The following FBXW11 variants were observed in gnomAD, a reference collection of about 807,000 sequenced individuals.
The protein encoded by FBXW11 is F-box and WD repeat domain containing 11, also known as F-box/WD repeat-containing protein 11.
A neutral mutation model predicts 77.6 loss-of-function variants in FBXW11; 19 were observed. That is an observed-to-expected ratio of 0.24 (90% CI 0.17 to 0.36). FBXW11 has a LOEUF of 0.36. Among genes scored for constraint, FBXW11 ranks in the 10% least tolerant of loss-of-function variants. The probability of loss-of-function intolerance (pLI) is 1.00; values close to 1 mark genes in which losing one functional copy is unlikely to be tolerated. For synonymous variants in FBXW11, 235 were observed against 249.4 expected (o/e 0.94, Z 0.54); for missense variants, 334 against 704.2 (o/e 0.47, Z 5.95).
intron 1 of FBXW11, among the ~76,000 whole-genome samples, chr5:172,000,544 C>A (rs554849369): frequency 6.6e-6 from 1 of 152,182 alleles, no homozygotes; most frequent in Non-Finnish European, 1.5e-5. Flanking sequence ...AAATGTTAGT[C>A]TTCTGTAAAG....
chr5:171,915,613 CTGTGTG>C (rs200618306), intron 2 of FBXW11, among the ~76,000 whole-genome samples: 2,908 of 129,614 alleles, frequency 0.022, 104 homozygotes, highest in African/African-American at 0.073. Context: ...GTCACTCATT[CTGTGTG>C]TGTGTGTGTG....
rs1282168933 is a variant in FBXW11, at chr5:171,861,889, C to T, written c.*2238G>A. 1.3e-5 allele frequency: 2 copies of T among 152,566 alleles called. No homozygotes were observed. Among genetic ancestry groups the T allele is most frequent in the East Asian group, 3.8e-4 (2 of 5,202 alleles). 9.5% of individuals were successfully genotyped at this position (152,566 alleles called of 1,614,324 possible). Reference sequence around the variant, plus strand: ...TTAATATAGCAGTAATTTACATTTGCTCAGTTATGGTTAGCAAAATAAAGT... The same window carrying T: ...TTAATATAGCAGTAATTTACATTTGTTCAGTTATGGTTAGCAAAATAAAGT... On this transcript the variant is annotated 3_prime_UTR_variant, in exon 14 of 14. Coordinates refer to ENST00000517395, the MANE Select transcript of FBXW11 (RefSeq NM_001378974.1).
intron 2 of FBXW11, among the ~76,000 whole-genome samples, chr5:171,944,509 G>A (rs568198080): frequency 1.8e-3 from 264 of 148,744 alleles, no homozygotes; most frequent in African/African-American, 6.0e-3. Flanking sequence ...CCGGCAGGGC[G>A]GAGCCTGCAG....
intron 4 of FBXW11, among the ~76,000 whole-genome samples, chr5:171,909,113 A>G (rs192217474): frequency 3.6e-4 from 55 of 152,288 alleles, no homozygotes; most frequent in African/African-American, 1.3e-3. Context: ...AGAATTTTTT[A>G]AAAAACAATA....
intron 6 of FBXW11, among the ~76,000 whole-genome samples, chr5:171,895,162 C>T (rs1759659825): frequency 6.6e-6 from 1 of 152,178 alleles, no homozygotes; most frequent in Admixed American, 6.5e-5. Flanking sequence ...TATCATTTCA[C>T]TTAGCCATCA....
intron 6 of FBXW11, among the ~76,000 whole-genome samples, chr5:171,894,185 A>G (rs1759584367): frequency 6.6e-6 from 1 of 152,206 alleles, no homozygotes; most frequent in Non-Finnish European, 1.5e-5. Flanking sequence ...ATGTCTGGAC[A>G]GAGGACGACA....
chr5:171,947,846 G>C (rs75858577), intron 2 of FBXW11, among the ~76,000 whole-genome samples: 270 of 152,182 alleles, frequency 1.8e-3, no homozygotes, highest in African/African-American at 5.4e-3. Context: ...GGGCCTGGGA[G>C]GTCGACGCTA....
intron 2 of FBXW11, among the ~76,000 whole-genome samples, chr5:171,934,199 TGATGTTACTTAA>T (rs1364199481): frequency 6.6e-6 from 1 of 152,210 alleles, no homozygotes; most frequent in African/African-American, 2.4e-5. Context: ...AACAGGCATG[TGATGTTACTTAA>T]AAACACTCTG....
chr5:171,896,289 C>T (rs1484750147), intron 6 of FBXW11, among the ~76,000 whole-genome samples: 1 of 152,128 alleles, frequency 6.6e-6, no homozygotes, highest in Non-Finnish European at 1.5e-5. Flanking sequence ...GGAAACAACA[C>T]AAGAGACTCT....
chr5:171,937,419 A>G (rs942763483), intron 2 of FBXW11, among the ~76,000 whole-genome samples: 1 of 152,146 alleles, frequency 6.6e-6, no homozygotes, highest in Non-Finnish European at 1.5e-5. Flanking sequence ...AAATATTTTG[A>G]GCTTTGCAGG....
intron 1 of FBXW11, among the ~76,000 whole-genome samples, chr5:171,966,873 T>C (rs1764219890): frequency 6.6e-6 from 1 of 152,148 alleles, no homozygotes; most frequent in African/African-American, 2.4e-5. Flanking sequence ...GGCTATACCG[T>C]ACTCATTAAC....
At chr5:171,914,281 T>C (rs1390127339) in intron 3 of FBXW11, 62 bp downstream of exon 3, 5 of 1,405,228 alleles carry the variant, frequency 3.6e-6, no homozygotes, top group Non-Finnish European at 4.9e-6. Flanking sequence ...GGACATTAAC[T>C]GAGGGAGCAT....
intron 2 of FBXW11, among the ~76,000 whole-genome samples, chr5:171,950,848 C>T (rs1169558506): frequency 1.3e-5 from 2 of 152,102 alleles, no homozygotes; most frequent in Non-Finnish European, 2.9e-5. Context: ...GATCATGCCA[C>T]TACACTCTAG....
In FBXW11 at chr5:171,868,788, A is replaced by C. The variant is rs1389587017; in HGVS notation, c.1539T>G (p.Ser513=). The C allele has an allele frequency of 6.2e-7, 1 of 1,612,424 alleles. No individual in the cohort carries two copies. Among genetic ancestry groups the C allele is most frequent in the Non-Finnish European group, 8.5e-7 (1 of 1,179,458 alleles). Residue 513 remains serine (S), a synonymous_variant, in exon 13 of 14, where the codon TCT becomes TCG. Coordinates refer to ENST00000517395, the MANE Select transcript of FBXW11 (RefSeq NM_001378974.1). ...TLCLRTLVEH[S]GRVFRLQFDE... The stretch of plus-strand genomic sequence containing the variant: ...CAAACTGGAGCCGAAACACACGTCC[A>C]GAATGTTCCTATGAAATACAAAACT...
intron 2 of FBXW11, among the ~76,000 whole-genome samples, chr5:171,930,592 G>T (rs1762115575): frequency 6.6e-6 from 1 of 151,896 alleles, no homozygotes; most frequent in Admixed American, 6.6e-5. Context: ...ACTGCGGAAG[G>T]CCGCAGGGTC....
intron 13 of FBXW11, among the ~76,000 whole-genome samples, chr5:171,866,443 T>C (rs1365096353): frequency 6.6e-6 from 1 of 152,174 alleles, no homozygotes; most frequent in Non-Finnish European, 1.5e-5. Flanking sequence ...TTATAATTGA[T>C]CACAACTAGG....
At chr5:171,865,252 C>T (rs1757313045) in intron 13 of FBXW11, among the ~76,000 whole-genome samples, 3 of 150,570 alleles carry the variant, frequency 2.0e-5, no homozygotes, top group African/African-American at 7.3e-5. Context: ...GACCTACATA[C>T]GCACATGTAC....
chr5:172,001,668 T>C (rs912874918), intron 1 of FBXW11, among the ~76,000 whole-genome samples: 1 of 152,236 alleles, frequency 6.6e-6, no homozygotes, highest in Non-Finnish European at 1.5e-5. Flanking sequence ...GAGTGTCATA[T>C]AGGCAGTGCT....
Position 171,891,684 on chromosome 5 carries a change from A to C in FBXW11, c.715-80T>G, listed in dbSNP as rs981868896. ...GGTTTCAGACTTTGGCGTTGCTTCCAGAAACAGCATACCACCGATACCCCA... is the reference window on the plus strand; with the variant it reads ...GGTTTCAGACTTTGGCGTTGCTTCCCGAAACAGCATACCACCGATACCCCA... On this transcript the variant is annotated intron_variant, in intron 6 of 13. Coordinates refer to ENST00000517395, the MANE Select transcript of FBXW11 (RefSeq NM_001378974.1). 58 of 1,434,596 alleles carry C rather than the reference A, an allele frequency of 4.0e-5. 1 individual carries two copies. The South Asian group carries it at 7.6e-4, about 19-fold the overall frequency. 88.9% of individuals were successfully genotyped at this position (1,434,596 alleles called of 1,614,324 possible). A position where few individuals can be genotyped will look rare whatever the true frequency, so the allele number is the denominator to read the frequency against.
Sources: allele counts gnomAD v4.1 joint callset (sites outside exome capture counted in the v4.1 genomes callset), GRCh38; gene constraint gnomAD v4.1.1; transcripts MANE v1.5; gene names NCBI Gene and HGNC (gene_info 2026-07-23, HGNC 2026-07-21).